The following SMC2 variants were observed in gnomAD, a reference collection of about 807,000 sequenced individuals.
SMC2 encodes structural maintenance of chromosomes protein 2.
A neutral mutation model predicts 142.6 loss-of-function variants in SMC2; 41 were observed. That is an observed-to-expected ratio of 0.29 (90% CI 0.22 to 0.37). SMC2 has a LOEUF of 0.37. SMC2 is among the 10% of genes least tolerant of loss of function. SMC2 has a pLI of 1.00. For missense variants in SMC2, 1,265 were observed against 1,373.7 expected (o/e 0.92, Z 1.25); for synonymous variants, 463 against 457.5 (o/e 1.01, Z -0.15).
rs368900789 is a variant in SMC2, at chr9:104,100,139, A to G, written c.527A>G (p.Tyr176Cys). The G allele has an allele frequency of 1.3e-6, 2 of 1,579,928 alleles. No individual in the cohort carries two copies. The highest frequency in any genetic ancestry group is 2.8e-5 in the African/African-American group (2 of 72,532). The change falls in exon 6 of 25, where the codon TAC becomes TGC. Residue 176 changes from tyrosine to cysteine, a missense_variant. Coordinates refer to ENST00000374793, the MANE Select transcript of SMC2 (RefSeq NM_006444.3). ...GCAGCTGGAACCAGGATGTATGAAT[A>G]CAAAAAAATAGCTGCACAGAAAACT... Reference protein sequence around the residue: ...EEAAGTRMYEYKKIAAQKTIE... With the variant: ...EEAAGTRMYECKKIAAQKTIE...
At chr9:104,128,909 T>A (rs1834611145) in intron 20 of SMC2, among the ~76,000 whole-genome samples, 1 of 152,218 alleles carries the variant, frequency 6.6e-6, no homozygotes, top group Admixed American at 6.5e-5. Context: ...TCAGTCAGCA[T>A]TAGGCTTCCA....
rs565578621 is a variant in SMC2, at chr9:104,114,150, T to C, written c.1532+69T>C. The C allele has an allele frequency of 3.0e-6, 3 of 997,350 alleles. No homozygotes were observed. In the South Asian group the frequency reaches 5.5e-5, roughly 18 times the overall value. The allele number at this position is 997,350 out of a possible 1,614,324, so 61.8% of individuals were successfully genotyped here. On this transcript the variant is annotated intron_variant, in intron 12 of 24. Transcript: ENST00000374793. ...ACATTTTTATTTAAGCTGGAAGCAG[T>C]GTGAAAATTTTGTCGAAACCAAGAT... is the stretch of plus-strand genomic sequence containing the variant.
At chr9:104,105,979 A>G (rs529720473) in intron 9 of SMC2, among the ~76,000 whole-genome samples, 5 of 152,312 alleles carry the variant, frequency 3.3e-5, no homozygotes, top group African/African-American at 9.6e-5. Context: ...GATGTTCCCA[A>G]GCTATCATAG....
chr9:104,120,069 A>C lies in SMC2; in HGVS notation c.2039A>C (p.Glu680Ala). 6.2e-7 allele frequency: 1 copy of C among 1,613,994 alleles called. No homozygotes were observed. Among genetic ancestry groups the C allele is most frequent in the Non-Finnish European group, 8.5e-7 (1 of 1,179,924 alleles). Residue 680 changes from glutamate to alanine, a missense_variant, in exon 16 of 25, where the codon GAA (glutamate) becomes GCA (alanine). Glu to Ala is a moderately radical substitution (Grantham distance 107, BLOSUM62 -1). This residue lies in a region of SMC2 where 898 missense variants were observed against 904.2 expected (regional missense o/e 0.99). Transcript: ENST00000374793. ...QAASILTKFQ[E>A]LKDVQDELRI... ...GCTTCCATTTTAACCAAGTTTCAAG[A>C]ACTCAAAGATGTTCAGGATGAACTG...
At chr9:104,097,589 A>G (rs547746531) in intron 3 of SMC2, among the ~76,000 whole-genome samples, 1 of 150,928 alleles carries the variant, frequency 6.6e-6, no homozygotes, top group Non-Finnish European at 1.5e-5. Flanking sequence ...TCAAATATTT[A>G]TCCTTTAGGA....
chr9:104,126,184 C>T (rs999678517), intron 18 of SMC2, among the ~76,000 whole-genome samples: 27 of 152,172 alleles, frequency 1.8e-4, no homozygotes, highest in African/African-American at 5.3e-4. Flanking sequence ...TCCCTGTGCC[C>T]GCCATATGGA....
At chr9:104,102,351 A>G in intron 8 of SMC2, 73 bp from the exon 9 acceptor site, 1 of 1,381,748 alleles carries the variant, frequency 7.2e-7, no homozygotes. Context: ...TGTTTGATAC[A>G]GAACTCATAC....
In SMC2 at chr9:104,102,509, T is replaced by G. The variant is rs1291528879; in HGVS notation, c.956T>G (p.Leu319Arg). ...ACTAAATCTCAAAGCGCATTTGATC[T>G]CAAGAAGAAAAATCTGGCATGTGAG... The part of the protein sequence containing the change: ...VNTKSQSAFD[L>R]KKKNLACEES... The change falls in exon 9 of 25, where the codon CTC (leucine) becomes CGC (arginine). Residue 319 changes from leucine to arginine, a missense_variant. This residue lies in a region of SMC2 where 898 missense variants were observed against 904.2 expected (regional missense o/e 0.99). Coordinates refer to ENST00000374793, the MANE Select transcript of SMC2 (RefSeq NM_006444.3). The G allele has an allele frequency of 6.2e-7, 1 of 1,613,684 alleles. No individual in the cohort carries two copies.
In SMC2 at chr9:104,128,800, T is replaced by C. The variant is rs185937314; in HGVS notation, c.2791-845T>C. ...GAAAAATTATTATACAGTGCCTTTT[T>C]CAATATACTGTGCCTTTTTCAAAAG... On this transcript the variant is annotated intron_variant, in intron 20 of 24. Transcript: ENST00000374793. Among the ~76,000 whole-genome samples the C allele has an allele frequency of 3.2e-3, 493 of 152,314 alleles. 4 individuals are homozygous for C. Among genetic ancestry groups the C allele is most frequent in the African/African-American group, 0.011 (476 of 41,556 alleles).
chr9:104,122,061 A>T (rs1833800728), intron 16 of SMC2, among the ~76,000 whole-genome samples: 1 of 152,240 alleles, frequency 6.6e-6, no homozygotes, highest in East Asian at 1.9e-4. Flanking sequence ...ATGAATATAA[A>T]TTAACCATAG....
At chr9:104,126,827 CT>C (rs1366330581) in intron 19 of SMC2, 43 bp downstream of exon 19, 2 of 1,547,420 alleles carry the variant, frequency 1.3e-6, no homozygotes, top group African/African-American at 1.4e-5. Flanking sequence ...AAATGCGAAT[CT>C]TTTTATGAAA....
At chr9:104,101,890 C>G (rs755381793) in intron 7 of SMC2, 70 bp from the exon 8 acceptor site, 3 of 917,918 alleles carry the variant, frequency 3.3e-6, no homozygotes, top group Non-Finnish European at 5.1e-6. Context: ...AAATTTGTTT[C>G]ATCTTGCATA....
Position 104,095,186 on chromosome 9 carries a change from A to G in SMC2, c.-61-138A>G. 5.9e-6 allele frequency: 3 copies of G among 508,486 alleles called. No homozygotes were observed. The East Asian group carries it at 9.3e-5, about 16-fold the overall frequency. 31.5% of individuals were successfully genotyped at this position (508,486 alleles called of 1,614,324 possible). On this transcript the variant is annotated intron_variant, in intron 1 of 24. Coordinates refer to ENST00000374793, the MANE Select transcript of SMC2 (RefSeq NM_006444.3). The stretch of plus-strand genomic sequence containing the variant: ...TGGTATATTTTTGAGTAGATGAACG[A>G]TGTCTTTACATCAGACAAGATAGTT...
At position 104,120,096 on chromosome 9, in the gene SMC2, G is replaced by C; in HGVS notation, c.2066G>C (p.Arg689Thr). ...QELKDVQDEL[R>T]IKENELRALE... Reference sequence around the variant, plus strand: ...CTCAAAGATGTTCAGGATGAACTGAGAATCAAAGAGAATGAGCTGCGGGCT... The same window carrying C: ...CTCAAAGATGTTCAGGATGAACTGACAATCAAAGAGAATGAGCTGCGGGCT... Residue 689 changes from arginine to threonine, a missense_variant, in exon 16 of 25, where the codon AGA becomes ACA. Transcript: ENST00000374793. The C allele has an allele frequency of 6.2e-7, 1 of 1,613,916 alleles. No homozygotes were observed. The highest frequency in any genetic ancestry group is 8.5e-7 in the Non-Finnish European group (1 of 1,179,886).
intron 15 of SMC2, 51 bp downstream of exon 15, chr9:104,118,426 A>G: frequency 8.8e-6 from 13 of 1,469,900 alleles, no homozygotes; most frequent in Non-Finnish European, 1.2e-5. Flanking sequence ...AAATAGGAAG[A>G]TGCCTTTTTT....
intron 2 of SMC2, 26 bp from the exon 3 acceptor site, chr9:104,096,122 G>A: frequency 1.9e-6 from 3 of 1,604,720 alleles, no homozygotes; most frequent in Non-Finnish European, 2.6e-6. Flanking sequence ...TTTTGTAATT[G>A]TTACACTTTT....
At chr9:104,122,653 A>C (rs1480710574) in intron 16 of SMC2, among the ~76,000 whole-genome samples, 2 of 152,120 alleles carry the variant, frequency 1.3e-5, no homozygotes, top group African/African-American at 4.8e-5. Flanking sequence ...ACTAAGTTCA[A>C]AACTATTTTT....
At chr9:104,101,806 A>T (rs1831155844) in intron 7 of SMC2, among the ~76,000 whole-genome samples, 154 bp from the exon 8 acceptor site, 1 of 152,202 alleles carries the variant, frequency 6.6e-6, no homozygotes, top group African/African-American at 2.4e-5. Context: ...CTGACTTCTG[A>T]TGTTACGTAA....
intron 3 of SMC2, among the ~76,000 whole-genome samples, chr9:104,098,007 A>G (rs1830650057): frequency 6.6e-6 from 1 of 152,214 alleles, no homozygotes; most frequent in Non-Finnish European, 1.5e-5. Flanking sequence ...ATGGTCATAA[A>G]TCATGTCTTT....
Sources: allele counts gnomAD v4.1 joint callset (sites outside exome capture counted in the v4.1 genomes callset), GRCh38; gene constraint gnomAD v4.1.1; regional missense constraint gnomAD v4.1.1; transcripts MANE v1.5; gene names NCBI Gene and HGNC (gene_info 2026-07-23, HGNC 2026-07-21).